EXOC3L1: variants seen among roughly 807,000 people sequenced by gnomAD.
The protein encoded by EXOC3L1 is exocyst complex component 3 like 1.
Under a neutral mutation model 83.6 loss-of-function variants are expected in EXOC3L1, and 79 were observed. The observed-to-expected ratio is 0.95, with a 90% CI of 0.79 to 1.14. The LOEUF is 1.14. Ranked by LOEUF, EXOC3L1 falls within the 50% of genes most tolerant of loss-of-function variation. The pLI, the probability that EXOC3L1 is intolerant of heterozygous loss-of-function variation, is 0.00. For synonymous variants in EXOC3L1, 433 were observed against 451.2 expected (o/e 0.96, Z 0.51); for missense variants, 945 against 972.0 (o/e 0.97, Z 0.37).
chr16:67,184,824 G>C lies in EXOC3L1; in HGVS notation c.1906-14C>G. On this transcript the variant is annotated splice_polypyrimidine_tract_variant and intron_variant, in intron 12 of 13. Transcript: ENST00000314586. Reference sequence around the variant, plus strand: ...CTCCTCCAGGCCCTGAGCACGTCGGGGTAGGGTCTCGCGCCAGCCCTCTCT... The same window carrying C: ...CTCCTCCAGGCCCTGAGCACGTCGGCGTAGGGTCTCGCGCCAGCCCTCTCT... 6.2e-7 allele frequency: 1 copy of C among 1,604,740 alleles called. No homozygotes were observed. The highest frequency in any genetic ancestry group is 1.3e-5 in the African/African-American group (1 of 75,056).
Position 67,184,417 on chromosome 16 carries a change from G to C in EXOC3L1, c.2218C>G (p.Arg740Gly), listed in dbSNP as rs1021980811. The change falls in exon 14 of 14, where the codon CGA (arginine) becomes GGA (glycine). Residue 740 changes from arginine to glycine, a missense_variant. Coordinates refer to ENST00000314586, the MANE Select transcript of EXOC3L1 (RefSeq NM_178516.4). ...GTTTATTCTGCGAGCAGCAGGGCTC[G>C]GGCGCAGGACCCCGAGGGCAGGCAG... ...ASCLPSGSCA[R>G]ALLLAE 1 of 1,533,412 alleles carries C rather than the reference G, an allele frequency of 6.5e-7. No homozygotes were observed. Among genetic ancestry groups the C allele is most frequent in the Admixed American group, 2.0e-5 (1 of 50,886 alleles). The allele number at this position is 1,533,412 out of a possible 1,614,324, so 95.0% of individuals were successfully genotyped here. A position where few individuals can be genotyped will look rare whatever the true frequency, so the allele number is the denominator to read the frequency against.
In EXOC3L1 at chr16:67,190,018, T is replaced by C; in HGVS notation, c.-55A>G. ...TCTCCCTCCAAAAATGACCTTGGCC[T>C]TGAGAACAGCCCTCTCCCCAATGCA... On this transcript the variant is annotated 5_prime_UTR_variant, in exon 1 of 14. Transcript: ENST00000314586. 1 of 283,894 alleles carries C rather than the reference T, an allele frequency of 3.5e-6. No homozygotes were observed. Among genetic ancestry groups the C allele is most frequent in the Non-Finnish European group, 6.7e-6 (1 of 148,302 alleles). 17.6% of individuals were successfully genotyped at this position (283,894 alleles called of 1,614,324 possible).
intron 2 of EXOC3L1, 51 bp downstream of exon 2, chr16:67,189,580 C>T: frequency 6.2e-7 from 1 of 1,607,036 alleles, no homozygotes; most frequent in Non-Finnish European, 8.5e-7. Context: ...CCCAGCCAGT[C>T]CCATCTTTGT....
chr16:67,185,055 C>A lies in EXOC3L1; in HGVS notation c.1752G>T (p.Leu584=). ...CGGCACGCTCGGCCTCAGCCAGCAG[C>A]AGCTGCGGGGAGGCAATCAGGCGGG... ...FWRVRNPTVQ[L]LLAEAERAVV... The change falls in exon 12 of 14, where the codon CTG becomes CTT. Residue 584 remains leucine (L), a splice_region_variant and synonymous_variant. Coordinates refer to ENST00000314586, the MANE Select transcript of EXOC3L1 (RefSeq NM_178516.4). 1 of 1,609,842 alleles carries A rather than the reference C, an allele frequency of 6.2e-7. No individual in the cohort carries two copies. The highest frequency in any genetic ancestry group is 8.5e-7 in the Non-Finnish European group (1 of 1,177,908).
Position 67,187,838 on chromosome 16 carries a change from CTAA to C in EXOC3L1, c.428-4_428-2del. On this transcript the variant is annotated splice_acceptor_variant and splice_polypyrimidine_tract_variant and intron_variant, in intron 4 of 13. Coordinates refer to ENST00000314586, the MANE Select transcript of EXOC3L1 (RefSeq NM_178516.4). LOFTEE classifies it high-confidence loss of function. ...TGTGTGTGGGACACTGCAGCCGGCACTAATGAGAGTGAAAAGGAGACGGCCCTG... is the reference window on the plus strand; with the variant it reads ...TGTGTGTGGGACACTGCAGCCGGCACTGAGAGTGAAAAGGAGACGGCCCTG... 1 of 1,576,984 alleles carries C rather than the reference CTAA, an allele frequency of 6.3e-7. No individual in the cohort carries two copies. The highest frequency in any genetic ancestry group is 8.6e-7 in the Non-Finnish European group (1 of 1,158,436).
chr16:67,189,096 G>A lies in EXOC3L1; in HGVS notation c.131C>T (p.Pro44Leu), dbSNP rs150417999. 7,452 of 1,608,304 alleles carry A rather than the reference G, an allele frequency of 4.6e-3. 72 individuals are homozygous for A. Among genetic ancestry groups the A allele is most frequent in the Middle Eastern group, 0.042 (255 of 6,030 alleles). The change falls in exon 3 of 14, where the codon CCG becomes CTG. Residue 44 changes from proline to leucine, a missense_variant. Coordinates refer to ENST00000314586, the MANE Select transcript of EXOC3L1 (RefSeq NM_178516.4). ...LKWASGIFYR[P>L]EQLARLGQYR... is the part of the protein sequence containing the mutation. Reference sequence around the variant, plus strand: ...CTGGCCTAGCCTGGCCAGCTGCTCCGGCCGGTAGAAGATGCCTGAGGCCCA... The same window carrying A: ...CTGGCCTAGCCTGGCCAGCTGCTCCAGCCGGTAGAAGATGCCTGAGGCCCA...
Position 67,189,136 on chromosome 16 carries a change from C to T in EXOC3L1, c.91G>A (p.Gly31Ser). The change falls in exon 3 of 14, where the codon GGT becomes AGT. Residue 31 changes from glycine to serine, a missense_variant. Gly to Ser is a moderately conservative substitution (Grantham distance 56). Coordinates refer to ENST00000314586, the MANE Select transcript of EXOC3L1 (RefSeq NM_178516.4). ...EQERAEQLAR[G>S]AALKWASGIF... ...CCTGAGGCCCACTTGAGCGCTGCAC[C>T]CCGGGCCAGCTGCTCTGCCCGCTCC... The T allele has an allele frequency of 6.2e-7, 1 of 1,607,198 alleles. No homozygotes were observed.
In EXOC3L1 at chr16:67,187,721, C is replaced by G; in HGVS notation, c.544G>C (p.Gly182Arg). 1.2e-6 allele frequency: 2 copies of G among 1,613,080 alleles called. No individual in the cohort carries two copies. Among genetic ancestry groups the G allele is most frequent in the East Asian group, 2.2e-5 (1 of 44,882 alleles). Reference sequence around the variant, plus strand: ...CCCTGGAAGACTGGCAACTCCAGGCCCCCCAGGGGTGCCCACGTATCCTCT... The same window carrying G: ...CCCTGGAAGACTGGCAACTCCAGGCGCCCCAGGGGTGCCCACGTATCCTCT... ...LREDTWAPLGGLELPVFQGLD... is the reference protein window; with the variant it reads ...LREDTWAPLGRLELPVFQGLD... The change falls in exon 5 of 14, where the codon GGC becomes CGC. Residue 182 changes from glycine to arginine, a missense_variant. Coordinates refer to ENST00000314586, the MANE Select transcript of EXOC3L1 (RefSeq NM_178516.4).
chr16:67,190,100 G>A lies in EXOC3L1; in HGVS notation c.-137C>T, dbSNP rs912854099. 3.6e-5 allele frequency: 6 copies of A among 167,146 alleles called. No individual in the cohort carries two copies. Among genetic ancestry groups the A allele is most frequent in the Non-Finnish European group, 6.4e-5 (5 of 77,622 alleles). 10.4% of individuals were successfully genotyped at this position (167,146 alleles called of 1,614,324 possible). A position where few individuals can be genotyped will look rare whatever the true frequency, so the allele number is the denominator to read the frequency against. On this transcript the variant is annotated 5_prime_UTR_variant, in exon 1 of 14. It adds an upstream start codon to the 5' untranslated region. Coordinates refer to ENST00000314586, the MANE Select transcript of EXOC3L1 (RefSeq NM_178516.4). ...CTGGGCAACTCCAGCTGACTCCAGC[G>A]TGCAGCTGAATTCCTCTCCCCAAGG...
At chr16:67,188,080 C>G (rs1424949716) in intron 4 of EXOC3L1, among the ~76,000 whole-genome samples, 1 of 152,034 alleles carries the variant, frequency 6.6e-6, no homozygotes, top group African/African-American at 2.4e-5. Context: ...CCCATCTCTA[C>G]TAAAAATACA....
At chr16:67,186,455 A>G in intron 8 of EXOC3L1, 102 bp downstream of exon 8, 1 of 1,444,874 alleles carries the variant, frequency 6.9e-7, no homozygotes, top group Non-Finnish European at 9.6e-7. Flanking sequence ...TCCTTGTTTG[A>G]AAGAGCCCTT....
chr16:67,189,848 CTT>C, intron 1 of EXOC3L1, 121 bp downstream of exon 1: 1 of 650,134 alleles, frequency 1.5e-6, no homozygotes, highest in Non-Finnish European at 2.7e-6. Flanking sequence ...ACCTGGGAGG[CTT>C]TGCCTGCTAG....
Position 67,189,990 on chromosome 16 carries a change from A to T in EXOC3L1, c.-27T>A. The T allele has an allele frequency of 2.8e-6, 1 of 357,802 alleles. No homozygotes were observed. Among genetic ancestry groups the T allele is most frequent in the Non-Finnish European group, 5.1e-6 (1 of 194,312 alleles). 22.2% of individuals were successfully genotyped at this position (357,802 alleles called of 1,614,324 possible). A position where few individuals can be genotyped will look rare whatever the true frequency, so the allele number is the denominator to read the frequency against. On this transcript the variant is annotated 5_prime_UTR_variant, in exon 1 of 14. Coordinates refer to ENST00000314586, the MANE Select transcript of EXOC3L1 (RefSeq NM_178516.4). ...ACTTACCAGATTTGATCAGGCGTCC[A>T]GTTCTCCCTCCAAAAATGACCTTGG... is the stretch of plus-strand genomic sequence containing the variant.
At chr16:67,184,658 C>T (rs748660786) in intron 13 of EXOC3L1, 28 bp downstream of exon 13, 4 of 1,579,432 alleles carry the variant, frequency 2.5e-6, no homozygotes, top group Admixed American at 3.4e-5. Context: ...CCTCCGGCTT[C>T]TCTTCCCTTC....
rs1415766145 is a variant in EXOC3L1, at chr16:67,184,495, TC to T, written c.2139del (p.Ser714AlafsTer8). 1 of 1,520,338 alleles carries T rather than the reference TC, an allele frequency of 6.6e-7. No individual in the cohort carries two copies. 94.2% of individuals were successfully genotyped at this position (1,520,338 alleles called of 1,614,324 possible). On this transcript the variant is annotated frameshift_variant, in exon 14 of 14. Coordinates refer to ENST00000314586, the MANE Select transcript of EXOC3L1 (RefSeq NM_178516.4). LOFTEE classifies it low-confidence loss of function (END_TRUNC). ...ACTAGGCTGAAGAGGACGCGGCGGC[TC>T]GCGCGGGGCGACGGCGGCAGCGCAG... ...LQAALPPSPR[A>X]SRRVLFSLVP... is the part of the protein sequence containing the mutation.
In EXOC3L1 at chr16:67,184,674, C is replaced by T. The variant is rs1476941323; in HGVS notation, c.2030+12G>A. 1.9e-6 allele frequency: 3 copies of T among 1,578,222 alleles called. No homozygotes were observed. Among genetic ancestry groups the T allele is most frequent in the South Asian group, 2.3e-5 (2 of 88,420 alleles). On this transcript the variant is annotated intron_variant, in intron 13 of 13. Coordinates refer to ENST00000314586, the MANE Select transcript of EXOC3L1 (RefSeq NM_178516.4). ...CTCCGGCTTCTCTTCCCTTCTGGCC[C>T]CCAGTCCGCACCTCACGTCGGGAAA...
At chr16:67,186,702 C>T in intron 7 of EXOC3L1, 45 bp from the exon 8 acceptor site, 1 of 1,613,252 alleles carries the variant, frequency 6.2e-7, no homozygotes. Context: ...TCCCTCCTTC[C>T]TCTCCTCCCC....
rs1567684400 is a variant in EXOC3L1, at chr16:67,186,789, A to T, written c.1254T>A (p.Tyr418Ter). The change falls in exon 7 of 14, where the codon TAT (tyrosine) becomes TAA (stop). Residue 418 changes from tyrosine (Y) to a stop codon, truncating the protein, a stop_gained. Transcript: ENST00000314586. LOFTEE classifies it high-confidence loss of function. ...HGPNTDPSGS[Y>*]YSPMPAIVLQ... ...GCACAATGGCTGGCATTGGTGAGTA[A>T]TAGGAGCCAGACGGGTCTGTGTTGG... 3 of 1,613,714 alleles carry T rather than the reference A, an allele frequency of 1.9e-6. No individual in the cohort carries two copies. Among genetic ancestry groups the T allele is most frequent in the Non-Finnish European group, 2.5e-6 (3 of 1,180,018 alleles).
rs558618151 is a variant in EXOC3L1 at position 67,187,406 on chromosome 16, A to G, written c.859T>C (p.Leu287=). The G allele has an allele frequency of 6.2e-7, 1 of 1,612,156 alleles. No individual in the cohort carries two copies. The highest frequency in any genetic ancestry group is 8.5e-7 in the Non-Finnish European group (1 of 1,179,874). ...GCTACTAGTGCCTCAGCTGTGGCCA[A>G]CTCGACTGGCAGGGCCACTCGCAGA... ...EALRVALPVE[L]ATAEALVAPC... is the part of the protein sequence containing the mutation. The change falls in exon 5 of 14, where the codon TTG becomes CTG. Residue 287 remains leucine, a synonymous_variant. Transcript: ENST00000314586.
Sources: allele counts gnomAD v4.1 joint callset (sites outside exome capture counted in the v4.1 genomes callset), GRCh38; gene constraint gnomAD v4.1.1; transcripts MANE v1.5; gene names NCBI Gene and HGNC (gene_info 2026-07-23, HGNC 2026-07-21).